NRXN1: variants seen among roughly 807,000 people sequenced by gnomAD.
NRXN1 encodes the protein neurexin 1.
NRXN1 carries 39 observed loss-of-function variants against 150.9 expected under a neutral mutation model. That is an observed-to-expected ratio of 0.26 (90% confidence interval 0.20 to 0.34). NRXN1 has a LOEUF of 0.34. NRXN1 is among the 10% of genes least tolerant of loss of function. The probability of loss-of-function intolerance (pLI) is 1.00; values close to 1 mark genes in which losing one functional copy is unlikely to be tolerated. For missense variants in NRXN1, 1,815 were observed against 1,949.9 expected (o/e 0.93, Z 1.30); for synonymous variants, 924 against 757.0 (o/e 1.22, Z -3.62).
chr2:50,581,590 G>C (rs2103656874), intron 8 of NRXN1, among the ~76,000 whole-genome samples: 1 of 152,236 alleles, frequency 6.6e-6, no homozygotes, highest in East Asian at 1.9e-4. Flanking sequence ...ATTTTTATTA[G>C]GTGCAAAGGG....
chr2:50,493,458 C>T (rs1248522273), intron 15 of NRXN1, among the ~76,000 whole-genome samples: 1 of 152,170 alleles, frequency 6.6e-6, no homozygotes, highest in Non-Finnish European at 1.5e-5. Context: ...CCTATAAGTG[C>T]TCCCTCAACG....
rs184251911 is a variant in NRXN1, at chr2:50,638,454, A to C, written c.833-14839T>G. Among the ~76,000 whole-genome samples, 22 of 152,318 alleles carry C rather than the reference A, an allele frequency of 1.4e-4. No individual in the cohort carries two copies. The East Asian group carries it at 4.3e-3, about 29-fold the overall frequency. ...AAAATAGACACATTATAAGAGAAGC[A>C]ATCAAAAAGCAGAGCACATTGTCAC... is the stretch of plus-strand genomic sequence containing the variant. On this transcript the variant is annotated intron_variant, in intron 5 of 22. Transcript: ENST00000401669.
At chr2:50,066,584 T>C (rs1411373195) in intron 19 of NRXN1, among the ~76,000 whole-genome samples, 1 of 152,082 alleles carries the variant, frequency 6.6e-6, no homozygotes, top group Non-Finnish European at 1.5e-5. Context: ...AACTTCATAA[T>C]GCTATTCACC....
chr2:50,888,652 TATA>T (rs1680619070), intron 5 of NRXN1, among the ~76,000 whole-genome samples: 3 of 151,782 alleles, frequency 2.0e-5, no homozygotes, highest in South Asian at 4.1e-4. Flanking sequence ...CAGAAAAAAG[TATA>T]ATGTTGCTTG....
chr2:50,591,397 T>TAGAC (rs755620857), intron 8 of NRXN1, among the ~76,000 whole-genome samples: 20 of 145,842 alleles, frequency 1.4e-4, no homozygotes, highest in African/African-American at 4.7e-4. Context: ...GATAGATAGA[T>TAGAC]AGATAGATAG....
intron 21 of NRXN1, among the ~76,000 whole-genome samples, chr2:49,983,247 G>T (rs906538241): frequency 6.6e-6 from 1 of 152,006 alleles, no homozygotes; most frequent in Non-Finnish European, 1.5e-5. Context: ...GGGATGAGCC[G>T]CTGTCCACTT....
In NRXN1 at chr2:50,217,000, A is replaced by T. The variant is rs2063446992; in HGVS notation, c.3546+19789T>A. On this transcript the variant is annotated intron_variant, in intron 18 of 22. Coordinates refer to ENST00000401669, the MANE Select transcript of NRXN1 (RefSeq NM_001330078.2). The stretch of plus-strand genomic sequence containing the variant: ...CAGATGTGGCTAAAAACAGCTTCCC[A>T]GTAATACTTTCAAGGGTCAAAAGCA... 2.0e-5 allele frequency among the ~76,000 whole-genome samples: 3 copies of T among 152,116 alleles called. 1 individual carries two copies. Among genetic ancestry groups the T allele is most frequent in the Admixed American group, 6.6e-5 (1 of 15,248 alleles).
At chr2:50,446,734 G>C (rs1175053814) in intron 17 of NRXN1, among the ~76,000 whole-genome samples, 1 of 151,968 alleles carries the variant, frequency 6.6e-6, no homozygotes, top group East Asian at 1.9e-4. Flanking sequence ...TAAAAGGGGA[G>C]ACACCTAACT....
At chr2:50,710,817 T>G (rs569829872) in intron 5 of NRXN1, among the ~76,000 whole-genome samples, 3 of 152,288 alleles carry the variant, frequency 2.0e-5, no homozygotes, top group Admixed American at 2.0e-4. Flanking sequence ...TTGACTACAG[T>G]TACTTTGGTT....
rs77015115 is a variant in NRXN1, at chr2:50,528,987, C to T, written c.2348-336G>A. 442 of 242,468 alleles carry T rather than the reference C, an allele frequency of 1.8e-3. 3 individuals carry two copies. The highest frequency in any genetic ancestry group is 9.6e-3 in the African/African-American group (415 of 43,320). 15.0% of individuals were successfully genotyped at this position (242,468 alleles called of 1,614,324 possible). Reference sequence around the variant, plus strand: ...TGTGAAAGAACATATCATTGTTTTCCGCAAAATGTAAAAGTGCTCCGTCAC... The same window carrying T: ...TGTGAAAGAACATATCATTGTTTTCTGCAAAATGTAAAAGTGCTCCGTCAC... On this transcript the variant is annotated intron_variant, in intron 11 of 22. Transcript: ENST00000401669.
chr2:49,923,907 C>T (rs1206947736), intron 22 of NRXN1, among the ~76,000 whole-genome samples: 1 of 152,158 alleles, frequency 6.6e-6, no homozygotes, highest in Admixed American at 6.5e-5. Context: ...CAAAAGCCCA[C>T]GGAGTGTGGC....
At chr2:50,321,477 G>A (rs2076034851) in intron 17 of NRXN1, among the ~76,000 whole-genome samples, 1 of 152,126 alleles carries the variant, frequency 6.6e-6, no homozygotes, top group African/African-American at 2.4e-5. Flanking sequence ...GTAACATAAT[G>A]TATACCTTTG....
intron 5 of NRXN1, chr2:50,918,840 C>T: frequency 4.2e-6 from 1 of 236,494 alleles, no homozygotes. Flanking sequence ...AATTTCAAGC[C>T]CCAAAAAAAT....
At chr2:50,355,744 T>C (rs1279715911) in intron 17 of NRXN1, among the ~76,000 whole-genome samples, 1 of 152,140 alleles carries the variant, frequency 6.6e-6, no homozygotes. Context: ...ATATTACAAA[T>C]ACCTAAAAAA....
At chr2:50,070,191 C>T (rs1467530192) in intron 19 of NRXN1, among the ~76,000 whole-genome samples, 1 of 151,944 alleles carries the variant, frequency 6.6e-6, no homozygotes, top group African/African-American at 2.4e-5. Flanking sequence ...CAATGAAGGA[C>T]AAGGCATTAT....
chr2:50,384,522 A>AAT (rs2081193298), intron 17 of NRXN1, among the ~76,000 whole-genome samples: 1 of 150,156 alleles, frequency 6.7e-6, no homozygotes, highest in African/African-American at 2.5e-5. Flanking sequence ...AAAAAAAAAA[A>AAT]AAAAAAAAAA....
intron 22 of NRXN1, among the ~76,000 whole-genome samples, chr2:49,942,470 CA>C (rs1420365012): frequency 1.3e-5 from 2 of 152,108 alleles, no homozygotes; most frequent in Non-Finnish European, 1.5e-5. Flanking sequence ...CACAAGAATG[CA>C]AATTCATTAC....
intron 5 of NRXN1, among the ~76,000 whole-genome samples, chr2:50,628,801 C>G (rs1681680165): frequency 6.6e-6 from 1 of 151,386 alleles, no homozygotes; most frequent in South Asian, 2.1e-4. Flanking sequence ...ACAAAGAGAC[C>G]TCTTACAAAT....
intron 5 of NRXN1, among the ~76,000 whole-genome samples, chr2:50,751,285 C>T (rs1446111907): frequency 4.6e-5 from 7 of 151,990 alleles, no homozygotes. Context: ...CTATATACAG[C>T]TGTGATTGTG....
Sources: gnomAD v4.1 joint callset for allele counts (sites outside exome capture counted in the v4.1 genomes callset) on GRCh38, gnomAD v4.1.1 for gene constraint, MANE v1.5 for transcripts, NCBI Gene and HGNC (gene_info 2026-07-23, HGNC 2026-07-21) for gene names.